Variants in EVX2 observed in about 807,000 individuals in gnomAD.
EVX2 encodes even-skipped homeobox 2.
A neutral mutation model predicts 19.2 loss-of-function variants in EVX2; 10 were observed. The ratio of observed to expected loss-of-function variants is 0.52; its 90% CI spans 0.32 to 0.89. EVX2 has a LOEUF of 0.89. EVX2 is among the 40% of genes least tolerant of loss of function. EVX2 has a pLI of 0.03. For synonymous variants in EVX2, 354 were observed against 328.4 expected, an observed-to-expected ratio of 1.08 and a Z score of -0.84; for missense variants, 710 against 694.9, an observed-to-expected ratio of 1.02 and a Z score of -0.24.
In EVX2 at chr2:176,082,557, G is replaced by A; in HGVS notation, c.428-108C>T. 2 of 1,272,062 alleles carry A rather than the reference G, an allele frequency of 1.6e-6. No individual in the cohort carries two copies. Among genetic ancestry groups the A allele is most frequent in the Non-Finnish European group, 2.1e-6 (2 of 946,816 alleles). The allele number at this position is 1,272,062 out of a possible 1,614,324, so 78.8% of individuals were successfully genotyped here. ...CCCGTCAGGAAGGAGAGTCGCTGCC[G>A]GAATTGATGGGGTCTGTCATGCTTA... On this transcript the variant is annotated intron_variant, in intron 1 of 2. Coordinates refer to ENST00000308618, the MANE Select transcript of EVX2 (RefSeq NM_001080458.2). This position sits in a 1 kb window ranked among gnomAD's most constrained non-coding sequence, Gnocchi z 5.2.
In EVX2 at chr2:176,080,864, T is replaced by G; in HGVS notation, c.700-26A>C. 1 of 1,594,956 alleles carries G rather than the reference T, an allele frequency of 6.3e-7. No individual in the cohort carries two copies. Among genetic ancestry groups the G allele is most frequent in the Non-Finnish European group, 8.5e-7 (1 of 1,171,926 alleles). ...CTGCGGGGAGAGACGCGCCGCAGCCTGGGTTAGGGAGCGCCCCGTGTTCCC... is the reference window on the plus strand; with the variant it reads ...CTGCGGGGAGAGACGCGCCGCAGCCGGGGTTAGGGAGCGCCCCGTGTTCCC... On this transcript the variant is annotated intron_variant, in intron 2 of 2. Coordinates refer to ENST00000308618, the MANE Select transcript of EVX2 (RefSeq NM_001080458.2). This position sits in a 1 kb window ranked among gnomAD's most constrained non-coding sequence, Gnocchi z 7.0.
chr2:176,078,813 G>C lies in EVX2; in HGVS notation c.*1294C>G, dbSNP rs932808634. The C allele has an allele frequency of 1.3e-5, 2 of 152,184 alleles. No individual in the cohort carries two copies. The highest frequency in any genetic ancestry group is 4.8e-5 in the African/African-American group (2 of 41,454). 9.4% of individuals were successfully genotyped at this position (152,184 alleles called of 1,614,324 possible). ...TCAAAGGAGGTCCATCAGAGAGCAT[G>C]ATTGGCAATTTTCGTCATAATCTGC... On this transcript the variant is annotated 3_prime_UTR_variant, in exon 3 of 3. Coordinates refer to ENST00000308618, the MANE Select transcript of EVX2 (RefSeq NM_001080458.2).
In EVX2 at chr2:176,082,571, C is replaced by T. The variant is rs1274517244; in HGVS notation, c.428-122G>A. 1.7e-6 allele frequency: 2 copies of T among 1,150,152 alleles called. No homozygotes were observed. Among genetic ancestry groups the T allele is most frequent in the African/African-American group, 1.6e-5 (1 of 61,610 alleles). The allele number at this position is 1,150,152 out of a possible 1,614,324, so 71.2% of individuals were successfully genotyped here. A position where few individuals can be genotyped will look rare whatever the true frequency, so the allele number is the denominator to read the frequency against. On this transcript the variant is annotated intron_variant, in intron 1 of 2. Transcript: ENST00000308618. The surrounding 1 kb of genome is among the most constrained non-coding windows in gnomAD (Gnocchi z 5.2). ...GAGTCGCTGCCGGAATTGATGGGGT[C>T]TGTCATGCTTACAAATTGCTGCCGT...
At position 176,083,563 on chromosome 2, in the gene EVX2, C is replaced by T. The variant is rs1296360345; in HGVS notation, c.214G>A (p.Glu72Lys). ...TGCAGGTTGAACAAAGTGTCTATTT[C>T]GAATTTGCCCTTGGCGGGGAGTTCT... ...LGELPAKGKF[E>K]IDTLFNLQHT... The change falls in exon 1 of 3, where the codon GAA becomes AAA. Residue 72 changes from glutamate (E) to lysine (K), a missense_variant. Transcript: ENST00000308618. This position sits in a 1 kb window ranked among gnomAD's most constrained non-coding sequence, Gnocchi z 4.4. 1 of 1,614,168 alleles carries T rather than the reference C, an allele frequency of 6.2e-7. No individual in the cohort carries two copies. Among genetic ancestry groups the T allele is most frequent in the East Asian group, 2.2e-5 (1 of 44,868 alleles).
Position 176,079,972 on chromosome 2 carries a change from G to C in EVX2, c.*135C>G. The C allele has an allele frequency of 1.0e-6, 1 of 987,566 alleles. No homozygotes were observed. Among genetic ancestry groups the C allele is most frequent in the Middle Eastern group, 3.7e-4 (1 of 2,712 alleles). 61.2% of individuals were successfully genotyped at this position (987,566 alleles called of 1,614,324 possible). A position where few individuals can be genotyped will look rare whatever the true frequency, so the allele number is the denominator to read the frequency against. ...CCCCAATTCGGAGCAGGTTCCCTTC[G>C]GCCTCCCGCGCCCCGGGGCGCCCCC... On this transcript the variant is annotated 3_prime_UTR_variant, in exon 3 of 3. Transcript: ENST00000308618. This position sits in a 1 kb window ranked among gnomAD's most constrained non-coding sequence, Gnocchi z 4.4.
At position 176,082,579 on chromosome 2, in the gene EVX2, CT is replaced by C; in HGVS notation, c.428-131del. 1 of 1,034,670 alleles carries C rather than the reference CT, an allele frequency of 9.7e-7. No homozygotes were observed. Among genetic ancestry groups the C allele is most frequent in the Non-Finnish European group, 1.3e-6 (1 of 757,906 alleles). The allele number at this position is 1,034,670 out of a possible 1,614,324, so 64.1% of individuals were successfully genotyped here. A position where few individuals can be genotyped will look rare whatever the true frequency, so the allele number is the denominator to read the frequency against. On this transcript the variant is annotated intron_variant, in intron 1 of 2. Transcript: ENST00000308618. The surrounding 1 kb of genome is among the most constrained non-coding windows in gnomAD (Gnocchi z 5.2). ...GCCGGAATTGATGGGGTCTGTCATG[CT>C]TACAAATTGCTGCCGTTAATGGAAT...
In EVX2 at chr2:176,080,434, A is replaced by G; in HGVS notation, c.1104T>C (p.Ala368=). 9.0e-7 allele frequency: 1 copy of G among 1,116,830 alleles called. No homozygotes were observed. Among genetic ancestry groups the G allele is most frequent in the South Asian group, 4.2e-5 (1 of 24,094 alleles). 69.2% of individuals were successfully genotyped at this position (1,116,830 alleles called of 1,614,324 possible). ...CGGCCGCCGCCGCCGAGGAGGCCGC[A>G]GCCGCTGCGGCTGCCGCGGCTGCCG... ...SAAAAAAAAA[A]AASSAAAAGA... Residue 368 remains alanine, a synonymous_variant, in exon 3 of 3, where the codon GCT becomes GCC. Coordinates refer to ENST00000308618, the MANE Select transcript of EVX2 (RefSeq NM_001080458.2). The surrounding 1 kb of genome is among the most constrained non-coding windows in gnomAD (Gnocchi z 7.0).
At position 176,079,741 on chromosome 2, in the gene EVX2, A is replaced by T. The variant is rs547533118; in HGVS notation, c.*366T>A. 71 of 175,362 alleles carry T rather than the reference A, an allele frequency of 4.0e-4. No individual in the cohort carries two copies. Among genetic ancestry groups the T allele is most frequent in the Non-Finnish European group, 6.8e-4 (57 of 83,538 alleles). The allele number at this position is 175,362 out of a possible 1,614,324, so 10.9% of individuals were successfully genotyped here. The stretch of plus-strand genomic sequence containing the variant: ...TTGCTTCGGGCCACGCCGTTCAGCC[A>T]AGCAACCCGGACCTGAGAGTGCACA... On this transcript the variant is annotated 3_prime_UTR_variant, in exon 3 of 3. Coordinates refer to ENST00000308618, the MANE Select transcript of EVX2 (RefSeq NM_001080458.2). The surrounding 1 kb of genome is among the most constrained non-coding windows in gnomAD (Gnocchi z 4.4).
At position 176,080,704 on chromosome 2, in the gene EVX2, G is replaced by A. The variant is rs1689135627; in HGVS notation, c.834C>T (p.Phe278=). 3 of 1,605,302 alleles carry A rather than the reference G, an allele frequency of 1.9e-6. No individual in the cohort carries two copies. Among genetic ancestry groups the A allele is most frequent in the East Asian group, 4.5e-5 (2 of 44,720 alleles). Residue 278 remains phenylalanine (F), a synonymous_variant, in exon 3 of 3, where the codon TTC becomes TTT. Transcript: ENST00000308618. The surrounding 1 kb of genome is among the most constrained non-coding windows in gnomAD (Gnocchi z 7.0). Reference sequence around the variant, plus strand: ...AGTAGTGCAGCGGCACGTGCGAGTGGAAGGGGTAGGGCAGGCTTCCGGTGG... The same window carrying A: ...AGTAGTGCAGCGGCACGTGCGAGTGAAAGGGGTAGGGCAGGCTTCCGGTGG... ...AAATGSLPYP[F]HSHVPLHYYP... is the part of the protein sequence containing the mutation.
At position 176,082,445 on chromosome 2, in the gene EVX2, G is replaced by T; in HGVS notation, c.432C>A (p.Tyr144Ter). The part of the protein sequence containing the change: ...AQLKENNGKG[Y>*]AESGSAAGTT... ...TGCCGGCAGCCGAGCCGCTCTCTGC[G>T]TACCCTGGCAAACAAACGACCAACA... is the stretch of plus-strand genomic sequence containing the variant. The change falls in exon 2 of 3, where the codon TAC becomes TAA. Residue 144 changes from tyrosine to a stop codon, truncating the protein, a stop_gained. Coordinates refer to ENST00000308618, the MANE Select transcript of EVX2 (RefSeq NM_001080458.2). LOFTEE classifies it high-confidence loss of function. This position sits in a 1 kb window ranked among gnomAD's most constrained non-coding sequence, Gnocchi z 5.2. The T allele has an allele frequency of 6.5e-7, 1 of 1,548,918 alleles. No individual in the cohort carries two copies. The highest frequency in any genetic ancestry group is 8.7e-7 in the Non-Finnish European group (1 of 1,149,674).
In EVX2 at chr2:176,080,399, G is replaced by T; in HGVS notation, c.1139C>A (p.Pro380His). ...CGAGCAGGGTGCAGAGCCGCCGCTGGGGGGCGCGCCGGCCGCCGCCGCCGA... is the reference window on the plus strand; with the variant it reads ...CGAGCAGGGTGCAGAGCCGCCGCTGTGGGGCGCGCCGGCCGCCGCCGCCGA... Reference protein sequence around the residue: ...ASSAAAAGAPPSGGSAPCSCL... With the variant: ...ASSAAAAGAPHSGGSAPCSCL... The change falls in exon 3 of 3, where the codon CCC (proline) becomes CAC (histidine). Residue 380 changes from proline to histidine, a missense_variant. By Grantham distance (77) the Pro-to-His change is moderately conservative. Transcript: ENST00000308618. This position sits in a 1 kb window ranked among gnomAD's most constrained non-coding sequence, Gnocchi z 7.0. 1 of 1,089,634 alleles carries T rather than the reference G, an allele frequency of 9.2e-7. No homozygotes were observed. The highest frequency in any genetic ancestry group is 1.1e-6 in the Non-Finnish European group (1 of 896,292). The allele number at this position is 1,089,634 out of a possible 1,614,324, so 67.5% of individuals were successfully genotyped here. A position where few individuals can be genotyped will look rare whatever the true frequency, so the allele number is the denominator to read the frequency against.
rs2105371406 is a variant in EVX2, at chr2:176,080,730, C to T, written c.808G>A (p.Ala270Thr). The T allele has an allele frequency of 6.2e-7, 1 of 1,607,908 alleles. No homozygotes were observed. ...FYTYMMTHAA[A>T]TGSLPYPFHS... Reference sequence around the variant, plus strand: ...AAGGGGTAGGGCAGGCTTCCGGTGGCGGCCGCGTGCGTCATCATGTAGGTG... The same window carrying T: ...AAGGGGTAGGGCAGGCTTCCGGTGGTGGCCGCGTGCGTCATCATGTAGGTG... The change falls in exon 3 of 3, where the codon GCC becomes ACC. Residue 270 changes from alanine to threonine, a missense_variant. Transcript: ENST00000308618. This position sits in a 1 kb window ranked among gnomAD's most constrained non-coding sequence, Gnocchi z 7.0.
In EVX2 at chr2:176,078,072, T is replaced by A. The variant is rs1689079512; in HGVS notation, c.*2035A>T. ...TCCCCTTTATGTATTTTCCATTTGA[T>A]GGAAATAATTTCTCCTGGAAAACTA... is the stretch of plus-strand genomic sequence containing the variant. On this transcript the variant is annotated 3_prime_UTR_variant, in exon 3 of 3. Transcript: ENST00000308618. 1 of 152,206 alleles carries A rather than the reference T, an allele frequency of 6.6e-6. No homozygotes were observed. The highest frequency in any genetic ancestry group is 2.1e-4 in the South Asian group (1 of 4,834). 9.4% of individuals were successfully genotyped at this position (152,206 alleles called of 1,614,324 possible).
chr2:176,080,259 C>T lies in EVX2; in HGVS notation c.1279G>A (p.Gly427Arg). The T allele has an allele frequency of 7.7e-7, 1 of 1,292,446 alleles. No individual in the cohort carries two copies. The highest frequency in any genetic ancestry group is 9.8e-7 in the Non-Finnish European group (1 of 1,020,172). 80.1% of individuals were successfully genotyped at this position (1,292,446 alleles called of 1,614,324 possible). A position where few individuals can be genotyped will look rare whatever the true frequency, so the allele number is the denominator to read the frequency against. ...GAGCCTCCCCCGGCCCCGGCGCCCC[C>T]GCCGCCGCCGCCACCACCACCACCG... Reference protein sequence around the residue: ...GGGGGGGGGGGGAGAGGGSDF... With the variant: ...GGGGGGGGGGRGAGAGGGSDF... The change falls in exon 3 of 3, where the codon GGG (glycine) becomes AGG (arginine). Residue 427 changes from glycine to arginine, a missense_variant. Gly to Arg is a moderately radical substitution (Grantham distance 125). Transcript: ENST00000308618. This position sits in a 1 kb window ranked among gnomAD's most constrained non-coding sequence, Gnocchi z 7.0.
rs575507141 is a variant in EVX2 at position 176,078,556 on chromosome 2, G to A, written c.*1551C>T. ...CTTAACAGAGAAAAGTCTACCCAGG[G>A]CGTCCAAGTTACCAAAATGAAAATC... On this transcript the variant is annotated 3_prime_UTR_variant, in exon 3 of 3. Coordinates refer to ENST00000308618, the MANE Select transcript of EVX2 (RefSeq NM_001080458.2). 3 of 152,310 alleles carry A rather than the reference G, an allele frequency of 2.0e-5. No individual in the cohort carries two copies. In the South Asian group the frequency reaches 6.2e-4, roughly 32 times the overall value. The allele number at this position is 152,310 out of a possible 1,614,324, so 9.4% of individuals were successfully genotyped here.
At position 176,080,521 on chromosome 2, in the gene EVX2, G is replaced by C; in HGVS notation, c.1017C>G (p.Arg339=). ...CGGGAGCCTGGTAGAGACCAGGGTG[G>C]CGGAAGCTACACAGCAGCTCCGGCC... ...YSRPELLCSF[R]HPGLYQAPAA... The change falls in exon 3 of 3, where the codon CGC becomes CGG. Residue 339 remains arginine (R), a synonymous_variant. Transcript: ENST00000308618. The surrounding 1 kb of genome is among the most constrained non-coding windows in gnomAD (Gnocchi z 7.0). 6.8e-7 allele frequency: 1 copy of C among 1,480,118 alleles called. No individual in the cohort carries two copies. The highest frequency in any genetic ancestry group is 8.8e-7 in the Non-Finnish European group (1 of 1,130,346). The allele number at this position is 1,480,118 out of a possible 1,614,324, so 91.7% of individuals were successfully genotyped here. A position where few individuals can be genotyped will look rare whatever the true frequency, so the allele number is the denominator to read the frequency against.
Position 176,081,531 on chromosome 2 carries a change from C to CT in EVX2, c.699+646dup, listed in dbSNP as rs775560737. On this transcript the variant is annotated intron_variant, in intron 2 of 2. Coordinates refer to ENST00000308618, the MANE Select transcript of EVX2 (RefSeq NM_001080458.2). This position sits in a 1 kb window ranked among gnomAD's most constrained non-coding sequence, Gnocchi z 5.9. ...CTCCCCTACCCCGTGGAGATTTTTT[C>CT]TTTTTTCTGCAGTGTCGAACGCTCC... is the stretch of plus-strand genomic sequence containing the variant. Among the ~76,000 whole-genome samples, 32 of 152,056 alleles carry CT rather than the reference C, an allele frequency of 2.1e-4. No homozygotes were observed. Among genetic ancestry groups the CT allele is most frequent in the Non-Finnish European group, 4.4e-4 (30 of 67,992 alleles).
At position 176,083,323 on chromosome 2, in the gene EVX2, A is replaced by G. The variant is rs377471251; in HGVS notation, c.427+27T>C. On this transcript the variant is annotated intron_variant, in intron 1 of 2. Coordinates refer to ENST00000308618, the MANE Select transcript of EVX2 (RefSeq NM_001080458.2). This position sits in a 1 kb window ranked among gnomAD's most constrained non-coding sequence, Gnocchi z 4.4. ...GGAGGAGCAAAGAGGATGGGACTGG[A>G]GAGCGCGGTGCGGCCGGCGCGGTTA... 1 of 1,551,256 alleles carries G rather than the reference A, an allele frequency of 6.4e-7. No individual in the cohort carries two copies. The highest frequency in any genetic ancestry group is 1.2e-5 in the South Asian group (1 of 84,508).
chr2:176,082,236 G>A lies in EVX2; in HGVS notation c.641C>T (p.Ser214Leu), dbSNP rs1468542075. The change falls in exon 2 of 3, where the codon TCG (serine) becomes TTG (leucine). Residue 214 changes from serine to leucine, a missense_variant. Ser to Leu is a moderately radical substitution (Grantham distance 145, BLOSUM62 -2). Transcript: ENST00000308618. This position sits in a 1 kb window ranked among gnomAD's most constrained non-coding sequence, Gnocchi z 5.2. Reference sequence around the variant, plus strand: ...GGCCAGCTCGCACCGGCGGGGCCGCGACACATAGTTCTCCCGGTAGAACTC... The same window carrying A: ...GGCCAGCTCGCACCGGCGGGGCCGCAACACATAGTTCTCCCGGTAGAACTC... ...EKEFYRENYV[S>L]RPRRCELAAA... is the part of the protein sequence containing the mutation. The A allele has an allele frequency of 6.2e-7, 1 of 1,602,398 alleles. No homozygotes were observed. Among genetic ancestry groups the A allele is most frequent in the African/African-American group, 1.3e-5 (1 of 74,664 alleles).
Sources: gnomAD v4.1 joint callset for allele counts (sites outside exome capture counted in the v4.1 genomes callset) on GRCh38, gnomAD v4.1.1 for gene constraint, Gnocchi (gnomAD v3.1) non-coding constraint, MANE v1.5 for transcripts, NCBI Gene and HGNC (gene_info 2026-07-23, HGNC 2026-07-21) for gene names.